PPFIA2: variants seen among roughly 807,000 people sequenced by gnomAD.
PPFIA2 encodes the protein liprin-alpha-2.
Under a neutral mutation model 175.5 loss-of-function variants are expected in PPFIA2, and 46 were observed. That is an observed-to-expected ratio of 0.26 (90% CI 0.21 to 0.34). PPFIA2 has a LOEUF of 0.34. PPFIA2 is among the 10% of genes least tolerant of loss of function. The pLI, the probability that PPFIA2 is intolerant of heterozygous loss-of-function variation, is 1.00. For missense variants in PPFIA2, 1,179 were observed against 1,506.1 expected, an observed-to-expected ratio of 0.78 and a Z score of 3.60; for synonymous variants, 568 against 511.4, an observed-to-expected ratio of 1.11 and a Z score of -1.49.
At chr12:81,311,865 T>A (rs943494733) in intron 22 of PPFIA2, among the ~76,000 whole-genome samples, 4 of 152,106 alleles carry the variant, frequency 2.6e-5, no homozygotes, top group African/African-American at 9.7e-5. Flanking sequence ...ATTGACCCTT[T>A]AGGGAATTAC....
intron 4 of PPFIA2, among the ~76,000 whole-genome samples, chr12:81,673,435 T>C (rs1220933948): frequency 1.3e-5 from 2 of 152,106 alleles, no homozygotes; most frequent in Non-Finnish European, 2.9e-5. Context: ...ATTTTAATAT[T>C]GCTCATATTT....
intron 25 of PPFIA2, among the ~76,000 whole-genome samples, chr12:81,283,303 AC>A (rs80134357): frequency 6.6e-6 from 1 of 152,024 alleles, no homozygotes; most frequent in African/African-American, 2.4e-5. Flanking sequence ...GTCATTACAA[AC>A]CTTTTTTTAA....
At chr12:81,276,909 G>A (rs1593614769) in intron 28 of PPFIA2, among the ~76,000 whole-genome samples, 1 of 151,852 alleles carries the variant, frequency 6.6e-6, no homozygotes, top group Admixed American at 6.6e-5. Flanking sequence ...AAATTGCTGG[G>A]GCACTGGAAT....
At chr12:81,642,734 T>TGTATGTATTATATACATAC (rs1567688409) in intron 4 of PPFIA2, among the ~76,000 whole-genome samples, 1 of 8,966 alleles carries the variant, frequency 1.1e-4, no homozygotes, top group Non-Finnish European at 2.6e-4. Flanking sequence ...CATACATGTA[T>TGTATGTATTATATACATAC]ATGTATGTAT....
At chr12:81,648,674 C>G (rs1413979766) in intron 4 of PPFIA2, among the ~76,000 whole-genome samples, 1 of 150,438 alleles carries the variant, frequency 6.6e-6, no homozygotes, top group African/African-American at 2.4e-5. Context: ...TTACTCAGAA[C>G]GTGAAGGCCT....
intron 3 of PPFIA2, among the ~76,000 whole-genome samples, chr12:81,699,696 A>G (rs145831311): frequency 2.0e-4 from 30 of 152,092 alleles, no homozygotes; most frequent in Admixed American, 1.0e-3. Flanking sequence ...TTTCATCACC[A>G]TGGTTGATCT....
chr12:81,665,839 G>T (rs1407925465), intron 4 of PPFIA2, among the ~76,000 whole-genome samples: 1 of 151,916 alleles, frequency 6.6e-6, no homozygotes, highest in Non-Finnish European at 1.5e-5. Context: ...CCTACAGAAT[G>T]GGAGAAAATT....
chr12:81,588,362 A>G (rs2075578711), intron 4 of PPFIA2, among the ~76,000 whole-genome samples: 1 of 152,020 alleles, frequency 6.6e-6, no homozygotes, highest in African/African-American at 2.4e-5. Context: ...CAAAATAATG[A>G]TAATTCTGTG....
At chr12:81,390,904 T>C (rs1223635571) in intron 8 of PPFIA2, among the ~76,000 whole-genome samples, 1 of 151,836 alleles carries the variant, frequency 6.6e-6, no homozygotes, top group African/African-American at 2.4e-5. Flanking sequence ...AGTACAAGTA[T>C]ATATTTGAAA....
chr12:81,512,028 G>A (rs2061850391), intron 4 of PPFIA2, among the ~76,000 whole-genome samples: 1 of 151,978 alleles, frequency 6.6e-6, no homozygotes, highest in African/African-American at 2.4e-5. Context: ...TAAACACATA[G>A]CACTAAATAA....
intron 4 of PPFIA2, among the ~76,000 whole-genome samples, chr12:81,647,810 T>C (rs1014971300): frequency 3.5e-5 from 5 of 142,036 alleles, no homozygotes; most frequent in Admixed American, 7.4e-5. Context: ...ATATTATATA[T>C]ACTATAAAAT....
chr12:81,530,163 G>A (rs1403299457), intron 4 of PPFIA2, among the ~76,000 whole-genome samples: 3 of 151,924 alleles, frequency 2.0e-5, no homozygotes, highest in Non-Finnish European at 1.5e-5. Context: ...CACTGCCTTT[G>A]AGCCACAAGA....
At chr12:81,306,970 ATTACCT>A (rs1185109761) in intron 22 of PPFIA2, among the ~76,000 whole-genome samples, 13 of 152,142 alleles carry the variant, frequency 8.5e-5, no homozygotes, top group Non-Finnish European at 1.6e-4. Context: ...TAATTATCTA[ATTACCT>A]TTCCTTCTAA....
At chr12:81,304,916 G>A (rs943448525) in intron 22 of PPFIA2, among the ~76,000 whole-genome samples, 3 of 151,912 alleles carry the variant, frequency 2.0e-5, no homozygotes, top group Non-Finnish European at 2.9e-5. Flanking sequence ...AGGATAGCAC[G>A]GACTTGAGTC....
At chr12:81,679,261 A>G (rs7136892) in intron 3 of PPFIA2, among the ~76,000 whole-genome samples, 96,044 of 151,620 alleles carry the variant, frequency 0.63, 32,798 homozygotes, top group Non-Finnish European at 0.76. Flanking sequence ...TGTTATTTCC[A>G]ATTATACTTA....
intron 26 of PPFIA2, among the ~76,000 whole-genome samples, chr12:81,282,438 C>A (rs573430621): frequency 1.3e-5 from 2 of 152,122 alleles, no homozygotes; most frequent in South Asian, 4.1e-4. Context: ...TTGAATATAA[C>A]ACAAATTTTC....
At chr12:81,270,743 T>C (rs777809864) in intron 28 of PPFIA2, 5 of 152,208 alleles carry the variant, frequency 3.3e-5, no homozygotes, top group Non-Finnish European at 5.9e-5. Context: ...ACACACAATC[T>C]GTGGTACTTT....
intron 4 of PPFIA2, among the ~76,000 whole-genome samples, chr12:81,520,302 G>A (rs1050161510): frequency 1.1e-4 from 16 of 152,118 alleles, no homozygotes; most frequent in Admixed American, 2.6e-4. Flanking sequence ...CATGTCTCAG[G>A]CAGAACGAAG....
chr12:81,372,802 G>A (rs1438679761), intron 11 of PPFIA2, among the ~76,000 whole-genome samples: 1 of 151,682 alleles, frequency 6.6e-6, no homozygotes, highest in East Asian at 1.9e-4. Context: ...ATAAAAAGGA[G>A]AGTGAATCAG....
Sources: allele counts gnomAD v4.1 joint callset (sites outside exome capture counted in the v4.1 genomes callset), GRCh38; gene constraint gnomAD v4.1.1; transcripts MANE v1.5; gene names NCBI Gene and HGNC (gene_info 2026-07-23, HGNC 2026-07-21).